ST13: variants seen among roughly 807,000 people sequenced by gnomAD.
ST13 encodes the protein ST13 Hsp70 interacting protein.
Under a neutral mutation model 56.7 loss-of-function variants are expected in ST13, and 23 were observed. The ratio of observed to expected loss-of-function variants is 0.41; its 90% CI spans 0.29 to 0.57. The LOEUF (loss-of-function observed/expected upper bound fraction) is 0.57. Among genes scored for constraint, ST13 ranks in the 20% least tolerant of loss-of-function variants. ST13 has a pLI of 0.36. For missense variants in ST13, 369 were observed against 459.9 expected (o/e 0.80, Z 1.81); for synonymous variants, 132 against 142.4 (o/e 0.93, Z 0.52).
intron 7 of ST13, among the ~76,000 whole-genome samples, chr22:40,833,879 A>G (rs1326374274): frequency 1.3e-5 from 2 of 152,080 alleles, no homozygotes; most frequent in Non-Finnish European, 2.9e-5. Context: ...AAACAAAACA[A>G]AACAAAACAC....
intron 7 of ST13, chr22:40,835,284 C>A (rs1189735293): frequency 1.2e-5 from 3 of 242,712 alleles, no homozygotes; most frequent in Admixed American, 1.0e-4. Flanking sequence ...CATATGTAGT[C>A]AAAAACTGGT....
chr22:40,847,078 T>C (rs1430125100), intron 3 of ST13, among the ~76,000 whole-genome samples: 1 of 152,148 alleles, frequency 6.6e-6, no homozygotes, highest in Non-Finnish European at 1.5e-5. Flanking sequence ...GGTTCTGTGA[T>C]ATAAGAGACT....
chr22:40,847,830 C>T (rs979362198), intron 3 of ST13, among the ~76,000 whole-genome samples: 11 of 151,972 alleles, frequency 7.2e-5, no homozygotes, highest in Non-Finnish European at 1.5e-4. Flanking sequence ...GGGTGGATCA[C>T]GAGGTCAGGA....
At chr22:40,854,863 T>G (rs1398378167) in intron 1 of ST13, among the ~76,000 whole-genome samples, 1 of 152,222 alleles carries the variant, frequency 6.6e-6, no homozygotes, top group Non-Finnish European at 1.5e-5. Flanking sequence ...GACTAAAACC[T>G]AGCCCTCAAT....
intron 3 of ST13, among the ~76,000 whole-genome samples, chr22:40,847,094 A>C (rs1196169486): frequency 6.6e-6 from 1 of 152,228 alleles, no homozygotes; most frequent in Non-Finnish European, 1.5e-5. Context: ...AGACTTCCAA[A>C]TTCATGAAGA....
chr22:40,850,756 TA>T, intron 2 of ST13, 66 bp downstream of exon 2: 2 of 1,292,972 alleles, frequency 1.5e-6, no homozygotes, highest in South Asian at 1.3e-5. Flanking sequence ...AGCAGCAGTT[TA>T]AAAACAACCC....
At chr22:40,843,813 G>T (rs921644960) in intron 4 of ST13, among the ~76,000 whole-genome samples, 1 of 151,436 alleles carries the variant, frequency 6.6e-6, no homozygotes, top group Non-Finnish European at 1.5e-5. Context: ...TTAAACAGGA[G>T]TTCGCAAATG....
chr22:40,846,255 TTG>T (rs1488623406), intron 3 of ST13, among the ~76,000 whole-genome samples: 3 of 152,196 alleles, frequency 2.0e-5, no homozygotes, highest in South Asian at 2.1e-4. Context: ...CCTCATTTTA[TTG>T]TGTTTCACTT....
intron 1 of ST13, among the ~76,000 whole-genome samples, chr22:40,851,892 G>A (rs1452207910): frequency 6.6e-6 from 1 of 152,000 alleles, no homozygotes; most frequent in Non-Finnish European, 1.5e-5. Context: ...ACTACAGGGT[G>A]CATGCCATCA....
intron 5 of ST13, 48 bp from the exon 6 acceptor site, chr22:40,835,935 T>A: frequency 7.0e-7 from 1 of 1,434,834 alleles, no homozygotes; most frequent in Non-Finnish European, 9.6e-7. Context: ...GATAAAAATA[T>A]TAATAAAAAG....
At chr22:40,839,788 A>G (rs912954624) in intron 5 of ST13, among the ~76,000 whole-genome samples, 1 of 151,684 alleles carries the variant, frequency 6.6e-6, no homozygotes, top group Non-Finnish European at 1.5e-5. Flanking sequence ...ATAAAATACA[A>G]CTGAAAAACA....
intron 5 of ST13, among the ~76,000 whole-genome samples, chr22:40,837,093 A>G (rs1056627946): frequency 2.0e-5 from 3 of 152,224 alleles, no homozygotes; most frequent in Non-Finnish European, 4.4e-5. Flanking sequence ...TGGGATTACC[A>G]CTGTGCCAGG....
At chr22:40,828,474 G>A (rs958103612) in intron 10 of ST13, among the ~76,000 whole-genome samples, 6 of 151,714 alleles carry the variant, frequency 4.0e-5, no homozygotes, top group Admixed American at 6.6e-5. Flanking sequence ...TTAGCCGGGC[G>A]TGGTGGCAGG....
chr22:40,846,516 A>C (rs1317319335), intron 3 of ST13, among the ~76,000 whole-genome samples: 1 of 152,208 alleles, frequency 6.6e-6, no homozygotes, highest in Non-Finnish European at 1.5e-5. Flanking sequence ...TTGTCTATCA[A>C]AGTTTGATTT....
chr22:40,850,928 ACT>A, intron 1 of ST13, 48 bp from the exon 2 acceptor site: 1 of 1,418,866 alleles, frequency 7.0e-7, no homozygotes, highest in South Asian at 1.2e-5. Flanking sequence ...ATTAAAATTC[ACT>A]GTCACGCAAC....
intron 4 of ST13, among the ~76,000 whole-genome samples, chr22:40,842,836 T>TA (rs1330295373): frequency 6.6e-6 from 1 of 152,218 alleles, no homozygotes; most frequent in Non-Finnish European, 1.5e-5. Context: ...AGAAAGTACT[T>TA]ACATTTGTTC....
rs710193 is a variant in ST13, at chr22:40,827,186, C to T, written c.891G>A (p.Met297Ile). 0.085 allele frequency: 136,900 copies of T among 1,612,866 alleles called. 6,864 individuals are homozygous for T. Among genetic ancestry groups the T allele is most frequent in the Non-Finnish European group, 0.1 (117,404 of 1,179,692 alleles). The change falls in exon 11 of 12, where the codon ATG (methionine) becomes ATA (isoleucine). Residue 297 changes from methionine to isoleucine, a missense_variant. Physicochemically the swap from Met to Ile is conservative, Grantham distance 10. This residue lies in a region of ST13 where 136 missense variants were observed against 159.2 expected (regional missense o/e 0.85). Transcript: ENST00000216218. ...GGMPGNFPGG[M>I]PGMGGGMPGM... ...CAGGCATGCCCCCTCCCATTCCAGG[C>T]ATTCCTCCGGGAAAATTACCAGGCA...
At chr22:40,841,822 G>C (rs540789657) in intron 4 of ST13, among the ~76,000 whole-genome samples, 1 of 151,702 alleles carries the variant, frequency 6.6e-6, no homozygotes, top group Non-Finnish European at 1.5e-5. Flanking sequence ...AGAACTCTTG[G>C]ACTCAAGTGA....
intron 3 of ST13, among the ~76,000 whole-genome samples, chr22:40,845,334 CATTA>C (rs1569003554): frequency 6.6e-6 from 1 of 152,078 alleles, no homozygotes; most frequent in Non-Finnish European, 1.5e-5. Flanking sequence ...TAATTACATT[CATTA>C]CTTTCCTTTT....
Sources: gnomAD v4.1 joint callset for allele counts (sites outside exome capture counted in the v4.1 genomes callset) on GRCh38, gnomAD v4.1.1 for gene constraint, gnomAD v4.1.1 regional missense constraint, MANE v1.5 for transcripts, NCBI Gene and HGNC (gene_info 2026-07-23, HGNC 2026-07-21) for gene names.